IL4I1: variants seen among roughly 807,000 people sequenced by gnomAD.
IL4I1 encodes the protein L-amino-acid oxidase.
In IL4I1, 24 loss-of-function variants were observed where a neutral mutation model predicts 29.7. The observed-to-expected ratio is 0.81, with a 90% CI of 0.59 to 1.14. The LOEUF is 1.14. IL4I1 is among the 50% of genes most tolerant of loss of function. IL4I1 has a pLI of 0.00. For missense variants in IL4I1, 686 were observed against 785.6 expected (o/e 0.87, Z 1.52); for synonymous variants, 371 against 352.5 (o/e 1.05, Z -0.59).
chr19:49,921,115 C>T lies in IL4I1; in HGVS notation c.-228+6579G>A, dbSNP rs1430519117. Among the ~76,000 whole-genome samples the T allele has an allele frequency of 6.6e-6, 1 of 152,200 alleles. No individual in the cohort carries two copies. Among genetic ancestry groups the T allele is most frequent in the Non-Finnish European group, 1.5e-5 (1 of 68,038 alleles). On this transcript the variant is annotated intron_variant, in intron 2 of 9. Coordinates refer to the IL4I1 transcript ENST00000341114. The surrounding 1 kb of genome is among the most constrained non-coding windows in gnomAD (Gnocchi z 5.4). ...CCCACATTTCATGGCATTTCTCACG[C>T]GCTGGGCTGTTTCCAGGGCTTCACC...
intron 2 of IL4I1, among the ~76,000 whole-genome samples, chr19:49,906,006 CAGG>C (rs2075317828): frequency 6.6e-6 from 1 of 152,222 alleles, no homozygotes; most frequent in Admixed American, 6.5e-5. Context: ...GAACAGGCAG[CAGG>C]AGGCCAAAGG....
At chr19:49,890,929 G>GTCCCCC in intron 7 of IL4I1, 42 bp downstream of exon 7, 4 of 454,452 alleles carry the variant, frequency 8.8e-6, no homozygotes, top group South Asian at 6.9e-5. Flanking sequence ...TTCCCTGATT[G>GTCCCCC]CCCCCCGCCC....
chr19:49,915,491 C>T (rs891248345), intron 2 of IL4I1, among the ~76,000 whole-genome samples: 1 of 152,230 alleles, frequency 6.6e-6, no homozygotes, highest in African/African-American at 2.4e-5. Flanking sequence ...GAACTACACA[C>T]CATGCACCCA....
Position 49,921,762 on chromosome 19 carries a change from C to T in IL4I1, c.-228+5932G>A, listed in dbSNP as rs537824746. 6.6e-6 allele frequency among the ~76,000 whole-genome samples: 1 copy of T among 152,334 alleles called. No individual in the cohort carries two copies. Among genetic ancestry groups the T allele is most frequent in the South Asian group, 2.1e-4 (1 of 4,830 alleles). On this transcript the variant is annotated intron_variant, in intron 2 of 9. Coordinates refer to the IL4I1 transcript ENST00000341114. This position sits in a 1 kb window ranked among gnomAD's most constrained non-coding sequence, Gnocchi z 5.4. The stretch of plus-strand genomic sequence containing the variant: ...TCCCCGCCTCTGCCTCTCCCCGCAG[C>T]TCCGACCATGACCATCCATCCTATG...
chr19:49,908,119 G>C (rs2075364024), intron 2 of IL4I1: 1 of 1,515,478 alleles, frequency 6.6e-7, no homozygotes, highest in South Asian at 1.2e-5. Flanking sequence ...GTCAAGGGCA[G>C]TCATGTGAAA....
chr19:49,890,556 A>C lies in IL4I1; in HGVS notation c.818T>G (p.Leu273Arg). The change falls in exon 8 of 8, where the codon CTG becomes CGG. Residue 273 changes from leucine (L) to arginine (R), a missense_variant. Physicochemically the swap from Leu to Arg is moderately radical, Grantham distance 102. Coordinates refer to ENST00000391826, the MANE Select transcript of IL4I1 (RefSeq NM_152899.2). The stretch of plus-strand genomic sequence containing the variant: ...CACAAGCCCGGACAGCGAGCTCAGC[A>C]GCGCGCGCGGCAGCAGGTCCCAGCC... Reference protein sequence around the residue: ...VGGWDLLPRALLSSLSGLVLL... With the variant: ...VGGWDLLPRARLSSLSGLVLL... 4 of 1,595,924 alleles carry C rather than the reference A, an allele frequency of 2.5e-6. No individual in the cohort carries two copies. Among genetic ancestry groups the C allele is most frequent in the Non-Finnish European group, 2.6e-6 (3 of 1,173,634 alleles).
At chr19:49,907,769 C>T (rs1489176766) in intron 2 of IL4I1, 30 of 332,970 alleles carry the variant, frequency 9.0e-5, no homozygotes, top group Non-Finnish European at 1.6e-4. Flanking sequence ...CTCCTGACCT[C>T]AAGTCATCTG....
Position 49,911,080 on chromosome 19 carries a change from A to C in IL4I1, c.-227-6759T>G, listed in dbSNP as rs1390103380. The C allele has an allele frequency of 2.0e-5, 3 of 152,000 alleles. No individual in the cohort carries two copies. The East Asian group carries it at 5.8e-4, about 29-fold the overall frequency. The allele number at this position is 152,000 out of a possible 1,614,324, so 9.4% of individuals were successfully genotyped here. On this transcript the variant is annotated intron_variant, in intron 2 of 9. Transcript: ENST00000341114. The stretch of plus-strand genomic sequence containing the variant: ...CCACCATGCGTGGATAATCTTTTTT[A>C]TTTTTTGTGGAAATGGGATCTCACT...
Position 49,895,267 on chromosome 19 carries a change from C to T in IL4I1, c.253-87G>A, listed in dbSNP as rs1042396255. ...TCTACCACCCCGTGCCAGCCCCCTG[C>T]CTTCTTCCATCCCCACAGTGGCCCA... On this transcript the variant is annotated intron_variant, in intron 3 of 7. Transcript: ENST00000391826. 32 of 1,056,460 alleles carry T rather than the reference C, an allele frequency of 3.0e-5. No homozygotes were observed. In the African/African-American group the frequency reaches 4.7e-4, roughly 15 times the overall value. The allele number at this position is 1,056,460 out of a possible 1,614,324, so 65.4% of individuals were successfully genotyped here.
chr19:49,901,722 G>A (rs1465394689), upstream of IL4I1: 25 of 1,521,820 alleles, frequency 1.6e-5, no homozygotes, highest in East Asian at 1.5e-4. Context: ...GGGCATGTGC[G>A]GAATCAAGGT....
intron 2 of IL4I1, among the ~76,000 whole-genome samples, chr19:49,917,979 C>T (rs1323147361): frequency 1.3e-5 from 2 of 152,134 alleles, no homozygotes; most frequent in Non-Finnish European, 2.9e-5. Context: ...GCACTCCAGC[C>T]TGGGTGACAG....
intron 2 of IL4I1, among the ~76,000 whole-genome samples, chr19:49,911,718 T>C (rs768101580): frequency 2.0e-5 from 3 of 152,230 alleles, no homozygotes; most frequent in Non-Finnish European, 2.9e-5. Context: ...CCATCACTAC[T>C]GACTGGGAGC....
At chr19:49,890,713 C>G in intron 7 of IL4I1, 113 bp from the exon 8 acceptor site, 1 of 994,732 alleles carries the variant, frequency 1.0e-6, no homozygotes, top group Non-Finnish European at 1.4e-6. Flanking sequence ...GCCCGCTCCC[C>G]CGTCATCCAC....
Position 49,903,240 on chromosome 19 carries a change from CT to C in IL4I1, c.-105+958del, listed in dbSNP as rs1484839310. On this transcript the variant is annotated intron_variant, in intron 3 of 9. Coordinates refer to the IL4I1 transcript ENST00000341114. ...TATCAGTTCTGTGGATTCAAGGGAA[CT>C]AGGGTATCTGAGGTGACCCCAGGGC... is the stretch of plus-strand genomic sequence containing the variant. Among the ~76,000 whole-genome samples the C allele has an allele frequency of 1.3e-5, 2 of 152,198 alleles. 1 individual carries two copies. The highest frequency in any genetic ancestry group is 2.9e-5 in the Non-Finnish European group (2 of 68,038).
At chr19:49,894,115 C>T (rs114191104) in intron 5 of IL4I1, among the ~76,000 whole-genome samples, 153 bp downstream of exon 5, 5,867 of 152,090 alleles carry the variant, frequency 0.039, 195 homozygotes, top group East Asian at 0.12. Context: ...TCATGGCACA[C>T]ATCCCCTTGG....
chr19:49,894,553 A>C, intron 4 of IL4I1, 84 bp from the exon 5 acceptor site: 1 of 393,652 alleles, frequency 2.5e-6, no homozygotes. Context: ...GAGGGGTGGG[A>C]GGGGAGAGTA....
At chr19:49,929,030 G>T (rs531169565) in intron 1 of IL4I1, 3 of 152,458 alleles carry the variant, frequency 2.0e-5, no homozygotes, top group African/African-American at 7.2e-5. Flanking sequence ...CTGAGAGGGA[G>T]GAGGGTCCCG....
intron 2 of IL4I1, among the ~76,000 whole-genome samples, chr19:49,910,080 G>C (rs1015065895): frequency 6.6e-6 from 1 of 152,098 alleles, no homozygotes; most frequent in Non-Finnish European, 1.5e-5. Flanking sequence ...CGAGGAGCCG[G>C]GGTGCTAGGG....
chr19:49,923,501 G>A (rs766087058), intron 2 of IL4I1, among the ~76,000 whole-genome samples: 40 of 152,194 alleles, frequency 2.6e-4, no homozygotes, highest in Non-Finnish European at 4.6e-4. Context: ...TCTGCACACG[G>A]CGGATCTGAA....
Sources: gnomAD v4.1 joint callset for allele counts (sites outside exome capture counted in the v4.1 genomes callset) on GRCh38, gnomAD v4.1.1 for gene constraint, Gnocchi (gnomAD v3.1) non-coding constraint, MANE v1.5 for transcripts, NCBI Gene and HGNC (gene_info 2026-07-23, HGNC 2026-07-21) for gene names.